Variants in STARD5 observed in about 807,000 individuals in gnomAD.
The protein encoded by STARD5 is stAR-related lipid transfer protein 5.
In STARD5, 26 loss-of-function variants were observed where a neutral mutation model predicts 24.6. The ratio of observed to expected loss-of-function variants is 1.06; its 90% CI spans 0.77 to 1.47. STARD5 has a LOEUF of 1.47. STARD5 is among the 40% of genes most tolerant of loss of function. The pLI is 0.00. For missense variants in STARD5, 254 were observed against 270.8 expected, an observed-to-expected ratio of 0.94 and a Z score of 0.44; for synonymous variants, 101 against 99.7, an observed-to-expected ratio of 1.01 and a Z score of -0.07.
Position 81,311,421 on chromosome 15 carries a change from C to T in STARD5, c.*1835G>A. ...TATATTAAGTGACTGTTCAAGAGCACACTTGGCCCAAGTGGCAGAGCTTGG... is the reference window on the plus strand; with the variant it reads ...TATATTAAGTGACTGTTCAAGAGCATACTTGGCCCAAGTGGCAGAGCTTGG... On this transcript the variant is annotated 3_prime_UTR_variant, in exon 6 of 6. Transcript: ENST00000302824. 6.6e-6 allele frequency: 1 copy of T among 152,234 alleles called. No individual in the cohort carries two copies. Among genetic ancestry groups the T allele is most frequent in the East Asian group, 1.9e-4 (1 of 5,204 alleles). 9.4% of individuals were successfully genotyped at this position (152,234 alleles called of 1,614,324 possible). A position where few individuals can be genotyped will look rare whatever the true frequency, so the allele number is the denominator to read the frequency against.
At chr15:81,322,039 GA>G (rs1252102156) in intron 3 of STARD5, among the ~76,000 whole-genome samples, 1 of 152,240 alleles carries the variant, frequency 6.6e-6, no homozygotes, top group Non-Finnish European at 1.5e-5. Flanking sequence ...AAAGCGTGAA[GA>G]CCCTCATACC....
intron 5 of STARD5, 116 bp downstream of exon 5, chr15:81,318,293 A>G: frequency 2.4e-6 from 2 of 819,326 alleles, no homozygotes; most frequent in East Asian, 5.0e-5. Context: ...CTAAAGAGCT[A>G]TAAGGCATTT....
chr15:81,319,225 G>T, intron 4 of STARD5, 114 bp downstream of exon 4: 2 of 947,432 alleles, frequency 2.1e-6, no homozygotes, highest in Non-Finnish European at 1.7e-6. Context: ...GGGACTCAGA[G>T]TGTGAGTTTC....
At position 81,313,455 on chromosome 15, in the gene STARD5, G is replaced by A. The variant is rs371044294; in HGVS notation, c.495-52C>T. On this transcript the variant is annotated intron_variant, in intron 5 of 5. Coordinates refer to ENST00000302824, the MANE Select transcript of STARD5 (RefSeq NM_181900.3). ...TATGATCTGCAGCAGAGGTGCTGGG[G>A]ACGAGCGCCAGGCAGGTGAGCAGAG... is the stretch of plus-strand genomic sequence containing the variant. 294 of 1,446,560 alleles carry A rather than the reference G, an allele frequency of 2.0e-4. No individual in the cohort carries two copies. The African/African-American group carries it at 3.9e-3, about 19-fold the overall frequency. The allele number at this position is 1,446,560 out of a possible 1,614,324, so 89.6% of individuals were successfully genotyped here. A position where few individuals can be genotyped will look rare whatever the true frequency, so the allele number is the denominator to read the frequency against.
At chr15:81,322,766 A>T in intron 2 of STARD5, 133 bp downstream of exon 2, 1 of 1,369,296 alleles carries the variant, frequency 7.3e-7, no homozygotes, top group Admixed American at 1.9e-5. Context: ...TTCATTAAAA[A>T]CAGTAAGGCT....
At chr15:81,319,597 C>A (rs977682016) in intron 3 of STARD5, 141 bp from the exon 4 acceptor site, 4 of 748,150 alleles carry the variant, frequency 5.3e-6, no homozygotes, top group Admixed American at 2.1e-5. Flanking sequence ...CAGAGCGAGT[C>A]TTCCCAGGAA....
intron 5 of STARD5, 47 bp from the exon 6 acceptor site, chr15:81,313,450 C>A (rs1224978468): frequency 1.6e-5 from 23 of 1,450,392 alleles, no homozygotes; most frequent in Non-Finnish European, 2.0e-5. Context: ...AGCAGAGGTG[C>A]TGGGGACGAG....
At chr15:81,316,849 T>C (rs930808127) in intron 5 of STARD5, among the ~76,000 whole-genome samples, 3 of 152,136 alleles carry the variant, frequency 2.0e-5, no homozygotes, top group African/African-American at 7.2e-5. Flanking sequence ...AACACTTGAG[T>C]TAAAACCTTC....
chr15:81,315,394 A>T (rs1901060120), intron 5 of STARD5, among the ~76,000 whole-genome samples: 1 of 152,130 alleles, frequency 6.6e-6, no homozygotes, highest in South Asian at 2.1e-4. Context: ...TAGCTCTTGC[A>T]TGTACACCAT....
Position 81,312,044 on chromosome 15 carries a change from C to T in STARD5, c.*1212G>A, listed in dbSNP as rs1900884266. On this transcript the variant is annotated 3_prime_UTR_variant, in exon 6 of 6. Coordinates refer to ENST00000302824, the MANE Select transcript of STARD5 (RefSeq NM_181900.3). ...GCAAAGGCTGAGAACACTGTGAAAA[C>T]ATTTTGCGCGCACAATAGTAACCTG... is the stretch of plus-strand genomic sequence containing the variant. 1 of 152,196 alleles carries T rather than the reference C, an allele frequency of 6.6e-6. No homozygotes were observed. The highest frequency in any genetic ancestry group is 2.1e-4 in the South Asian group (1 of 4,822). 9.4% of individuals were successfully genotyped at this position (152,196 alleles called of 1,614,324 possible). A position where few individuals can be genotyped will look rare whatever the true frequency, so the allele number is the denominator to read the frequency against.
At chr15:81,320,876 C>T (rs1901180912) in intron 3 of STARD5, among the ~76,000 whole-genome samples, 1 of 152,214 alleles carries the variant, frequency 6.6e-6, no homozygotes, top group South Asian at 2.1e-4. Flanking sequence ...CAGCACATGT[C>T]ATAAATGCGA....
intron 3 of STARD5, among the ~76,000 whole-genome samples, chr15:81,321,590 C>A (rs1303073633): frequency 7.2e-6 from 1 of 138,442 alleles, no homozygotes; most frequent in Admixed American, 7.3e-5. Flanking sequence ...AGCCTAGCGA[C>A]AGAGTGAGAT....
At chr15:81,316,405 T>C (rs1044844932) in intron 5 of STARD5, among the ~76,000 whole-genome samples, 90 of 152,172 alleles carry the variant, frequency 5.9e-4, no homozygotes, top group African/African-American at 2.1e-3. Flanking sequence ...GAGACATCAA[T>C]ATCTGGGTTA....
At chr15:81,320,798 A>G (rs1043528502) in intron 3 of STARD5, among the ~76,000 whole-genome samples, 2 of 152,214 alleles carry the variant, frequency 1.3e-5, no homozygotes, top group Non-Finnish European at 2.9e-5. Context: ...CAAGTGCATC[A>G]TTCCTGAGGT....
intron 1 of STARD5, 108 bp downstream of exon 1, chr15:81,323,893 G>T: frequency 8.7e-7 from 1 of 1,152,112 alleles, no homozygotes. Context: ...GGGTCCAGGG[G>T]ATTGGGGAGC....
In STARD5 at chr15:81,310,428, T is replaced by C. The variant is rs2141658806; in HGVS notation, c.*2828A>G. 6.6e-6 allele frequency: 1 copy of C among 152,354 alleles called. No homozygotes were observed. Among genetic ancestry groups the C allele is most frequent in the South Asian group, 2.1e-4 (1 of 4,832 alleles). 9.4% of individuals were successfully genotyped at this position (152,354 alleles called of 1,614,324 possible). A position where few individuals can be genotyped will look rare whatever the true frequency, so the allele number is the denominator to read the frequency against. On this transcript the variant is annotated 3_prime_UTR_variant, in exon 6 of 6. Coordinates refer to ENST00000302824, the MANE Select transcript of STARD5 (RefSeq NM_181900.3). ...GGAATAATGGGCTTAGAGCAGTTTC[T>C]GTCCTGCTGGTTAACTTGTTTGGCC...
Position 81,309,755 on chromosome 15 carries a change from A to C in STARD5, c.*3501T>G, listed in dbSNP as rs574849411. Reference sequence around the variant, plus strand: ...GCGTGTATATGAGGGTATCAAATAAAATTGCTACTACTTACCTACCACATG... The same window carrying C: ...GCGTGTATATGAGGGTATCAAATAACATTGCTACTACTTACCTACCACATG... On this transcript the variant is annotated 3_prime_UTR_variant, in exon 6 of 6. Coordinates refer to ENST00000302824, the MANE Select transcript of STARD5 (RefSeq NM_181900.3). The C allele has an allele frequency of 6.6e-6, 1 of 152,292 alleles. No homozygotes were observed. Among genetic ancestry groups the C allele is most frequent in the Admixed American group, 6.5e-5 (1 of 15,304 alleles). 9.4% of individuals were successfully genotyped at this position (152,292 alleles called of 1,614,324 possible).
chr15:81,320,066 C>T (rs747932094), intron 3 of STARD5, among the ~76,000 whole-genome samples: 9 of 152,234 alleles, frequency 5.9e-5, no homozygotes, highest in Non-Finnish European at 1.0e-4. Context: ...TCCACACTCT[C>T]ATTTTATAAA....
rs75938864 is a variant in STARD5 at position 81,318,818 on chromosome 15, A to C, written c.401-316T>G. Among the ~76,000 whole-genome samples the C allele has an allele frequency of 9.6e-3, 1,464 of 152,380 alleles. 8 individuals are homozygous for C. Among genetic ancestry groups the C allele is most frequent in the Non-Finnish European group, 0.014 (985 of 68,036 alleles). ...AAGCTTGTCAAGAATATCAGAGAAA[A>C]GAACATTCTAGAACACAAGGTTTGG... On this transcript the variant is annotated intron_variant, in intron 4 of 5. Coordinates refer to ENST00000302824, the MANE Select transcript of STARD5 (RefSeq NM_181900.3).
Sources: allele counts gnomAD v4.1 joint callset (sites outside exome capture counted in the v4.1 genomes callset), GRCh38; gene constraint gnomAD v4.1.1; transcripts MANE v1.5; gene names NCBI Gene and HGNC (gene_info 2026-07-23, HGNC 2026-07-21).